YTHDC1: variants seen among roughly 807,000 people sequenced by gnomAD.
YTHDC1 encodes YTH N6-methyladenosine RNA binding protein C1, also known as YTH domain-containing protein 1.
YTHDC1 carries 12 observed loss-of-function variants against 107.0 expected under a neutral mutation model. The ratio of observed to expected loss-of-function variants is 0.11; its 90% CI spans 0.07 to 0.18. The LOEUF (loss-of-function observed/expected upper bound fraction) is 0.18. Among genes scored for constraint, YTHDC1 ranks in the 10% least tolerant of loss-of-function variants. The pLI is 1.00. For synonymous variants in YTHDC1, 280 were observed against 289.5 expected, an observed-to-expected ratio of 0.97 and a Z score of 0.33; for missense variants, 635 against 898.8, an observed-to-expected ratio of 0.71 and a Z score of 3.75.
intron 1 of YTHDC1, among the ~76,000 whole-genome samples, chr4:68,341,177 C>T (rs373985624): frequency 2.0e-5 from 3 of 152,114 alleles, no homozygotes; most frequent in South Asian, 4.1e-4. Context: ...TGACCAAATA[C>T]ACTTGTCTAG....
At chr4:68,332,296 A>G (rs192524704) in intron 6 of YTHDC1, 99 bp from the exon 7 acceptor site, 1 of 645,588 alleles carries the variant, frequency 1.5e-6, no homozygotes, top group Non-Finnish European at 2.5e-6. Flanking sequence ...CAACCCAGCT[A>G]AACTTTTAAA....
chr4:68,340,474 C>A (rs1199885512), intron 1 of YTHDC1, among the ~76,000 whole-genome samples: 1 of 151,950 alleles, frequency 6.6e-6, no homozygotes. Flanking sequence ...AAAAGCTTCT[C>A]TCATCATCTA....
intron 15 of YTHDC1, among the ~76,000 whole-genome samples, chr4:68,317,172 TATC>T (rs1378702988): frequency 1.3e-5 from 2 of 152,022 alleles, no homozygotes; most frequent in Non-Finnish European, 2.9e-5. Flanking sequence ...TGCACAGAGC[TATC>T]ATCACACCAC....
chr4:68,325,018 A>G (rs1722831011), intron 9 of YTHDC1, among the ~76,000 whole-genome samples: 1 of 152,202 alleles, frequency 6.6e-6, no homozygotes, highest in South Asian at 2.1e-4. Context: ...CTGCCAAGAA[A>G]TAATTGTAAA....
At chr4:68,317,794 T>C (rs1291216163) in intron 15 of YTHDC1, among the ~76,000 whole-genome samples, 1 of 152,168 alleles carries the variant, frequency 6.6e-6, no homozygotes, top group East Asian at 1.9e-4. Flanking sequence ...TTCACCATGA[T>C]ATAATCAGAA....
At chr4:68,314,939 CTGAAATAAGA>C (rs1363229038) in intron 16 of YTHDC1, among the ~76,000 whole-genome samples, 3 of 152,078 alleles carry the variant, frequency 2.0e-5, no homozygotes, top group African/African-American at 7.2e-5. Context: ...CAAAACTTAG[CTGAAATAAGA>C]TTTGAAAACA....
intron 12 of YTHDC1, among the ~76,000 whole-genome samples, chr4:68,319,330 A>G (rs1247767486): frequency 6.6e-6 from 1 of 152,202 alleles, no homozygotes; most frequent in East Asian, 1.9e-4. Flanking sequence ...GCAAAAATGA[A>G]GATGTATACA....
chr4:68,336,258 A>T (rs958809734), intron 4 of YTHDC1, among the ~76,000 whole-genome samples: 8 of 152,054 alleles, frequency 5.3e-5, no homozygotes, highest in Non-Finnish European at 8.8e-5. Flanking sequence ...TACATAAGAC[A>T]GTCATGAGAT....
chr4:68,340,556 T>C (rs140807785), intron 1 of YTHDC1, among the ~76,000 whole-genome samples: 1 of 151,998 alleles, frequency 6.6e-6, no homozygotes, highest in East Asian at 1.9e-4. Flanking sequence ...GGACTCTAAA[T>C]TATAAAAAAA....
At chr4:68,320,321 A>AT in intron 11 of YTHDC1, 116 bp from the exon 12 acceptor site, 1 of 645,808 alleles carries the variant, frequency 1.5e-6, no homozygotes. Flanking sequence ...TAACATCTTA[A>AT]TTTTTTTAGT....
At chr4:68,327,232 G>A (rs919636600) in intron 9 of YTHDC1, among the ~76,000 whole-genome samples, 6 of 151,846 alleles carry the variant, frequency 4.0e-5, no homozygotes, top group Admixed American at 2.6e-4. Context: ...GCGAAACTCC[G>A]TCTCAAAAGA....
At chr4:68,321,005 T>C (rs1722392214) in intron 11 of YTHDC1, among the ~76,000 whole-genome samples, 1 of 152,170 alleles carries the variant, frequency 6.6e-6, no homozygotes, top group Non-Finnish European at 1.5e-5. Context: ...GGTGAAACTT[T>C]ACTGACTACA....
rs1324640284 is a variant in YTHDC1 at position 68,311,216 on chromosome 4, T to C, written c.*2883A>G. 4 of 152,008 alleles carry C rather than the reference T, an allele frequency of 2.6e-5. No homozygotes were observed. The highest frequency in any genetic ancestry group is 7.2e-5 in the African/African-American group (3 of 41,388). The allele number at this position is 152,008 out of a possible 1,614,324, so 9.4% of individuals were successfully genotyped here. On this transcript the variant is annotated 3_prime_UTR_variant, in exon 17 of 17. Coordinates refer to ENST00000344157, the MANE Select transcript of YTHDC1 (RefSeq NM_001031732.4). ...ACTGACATGGACACTGGGAGGAAAA[T>C]AGTCTCTCTCCTGCCACTGAAACTA...
rs979158727 is a variant in YTHDC1, at chr4:68,310,958, C to T, written c.*3141G>A. The T allele has an allele frequency of 1.3e-5, 2 of 152,134 alleles. No homozygotes were observed. Among genetic ancestry groups the T allele is most frequent in the Non-Finnish European group, 2.9e-5 (2 of 68,042 alleles). 9.4% of individuals were successfully genotyped at this position (152,134 alleles called of 1,614,324 possible). A position where few individuals can be genotyped will look rare whatever the true frequency, so the allele number is the denominator to read the frequency against. ...TGGCAAAATACTCTGAAAAGTCAAA[C>T]ATTCAGGTGTTATAACTTGTATGAG... is the stretch of plus-strand genomic sequence containing the variant. On this transcript the variant is annotated 3_prime_UTR_variant, in exon 17 of 17. Transcript: ENST00000344157.
chr4:68,324,279 T>C, intron 9 of YTHDC1, 56 bp from the exon 10 acceptor site: 6 of 1,468,698 alleles, frequency 4.1e-6, no homozygotes, highest in Non-Finnish European at 5.7e-6. Context: ...AAGGACCTTA[T>C]ACTACTTTTA....
In YTHDC1 at chr4:68,322,160, G is replaced by A. The variant is rs1465699617; in HGVS notation, c.1601+589C>T. 3.3e-5 allele frequency among the ~76,000 whole-genome samples: 5 copies of A among 152,162 alleles called. No homozygotes were observed. In the East Asian group the frequency reaches 9.6e-4, roughly 29 times the overall value. ...GCTCAGCAAGATGTGTGAATTCACT[G>A]GGTACATGTTAGAGAATATTTGGCA... On this transcript the variant is annotated intron_variant, in intron 11 of 16. Coordinates refer to ENST00000344157, the MANE Select transcript of YTHDC1 (RefSeq NM_001031732.4). This position sits in a 1 kb window ranked among gnomAD's most constrained non-coding sequence, Gnocchi z 4.8.
At chr4:68,345,945 C>T (rs1238706356) in intron 1 of YTHDC1, among the ~76,000 whole-genome samples, 1 of 151,940 alleles carries the variant, frequency 6.6e-6, no homozygotes, top group East Asian at 1.9e-4. Context: ...GGTTATGCCA[C>T]CTAAGTTTGT....
Position 68,349,748 on chromosome 4 carries a change from C to G in YTHDC1, c.6G>C (p.Ala2=), listed in dbSNP as rs776943511. Residue 2 remains alanine, a synonymous_variant, in exon 1 of 17, where the codon GCG becomes GCC. Coordinates refer to ENST00000344157, the MANE Select transcript of YTHDC1 (RefSeq NM_001031732.4). M[A]ADSREEKDGE... is the part of the protein sequence containing the mutation. ...AACCTTTCTCCTCCCGACTGTCAGCCGCCATGGCTCCCCTTCGGTTTCCGC... is the reference window on the plus strand; with the variant it reads ...AACCTTTCTCCTCCCGACTGTCAGCGGCCATGGCTCCCCTTCGGTTTCCGC... The G allele has an allele frequency of 6.2e-7, 1 of 1,613,586 alleles. No individual in the cohort carries two copies. The highest frequency in any genetic ancestry group is 8.5e-7 in the Non-Finnish European group (1 of 1,179,830).
rs752254962 is a variant in YTHDC1, at chr4:68,312,469, G to A, written c.*1630C>T. 2.0e-5 allele frequency: 3 copies of A among 152,048 alleles called. No individual in the cohort carries two copies. The highest frequency in any genetic ancestry group is 1.9e-4 in the East Asian group (1 of 5,192). The allele number at this position is 152,048 out of a possible 1,614,324, so 9.4% of individuals were successfully genotyped here. A position where few individuals can be genotyped will look rare whatever the true frequency, so the allele number is the denominator to read the frequency against. On this transcript the variant is annotated 3_prime_UTR_variant, in exon 17 of 17. Coordinates refer to ENST00000344157, the MANE Select transcript of YTHDC1 (RefSeq NM_001031732.4). Reference sequence around the variant, plus strand: ...AGTGACTTACCATGTATCACTAACCGGTTTAATTAAAGACAATGACAAAAC... The same window carrying A: ...AGTGACTTACCATGTATCACTAACCAGTTTAATTAAAGACAATGACAAAAC...
Sources: allele counts gnomAD v4.1 joint callset (sites outside exome capture counted in the v4.1 genomes callset), GRCh38; gene constraint gnomAD v4.1.1; non-coding constraint Gnocchi (gnomAD v3.1); transcripts MANE v1.5; gene names NCBI Gene and HGNC (gene_info 2026-07-23, HGNC 2026-07-21).